Variants in SLC12A6 observed in about 807,000 individuals in gnomAD.
The protein encoded by SLC12A6 is solute carrier family 12 member 6, also known as K-Cl cotransporter 3.
In SLC12A6, 66 loss-of-function variants were observed where a neutral mutation model predicts 135.3. The observed-to-expected ratio is 0.49, with a 90% CI of 0.40 to 0.60. The LOEUF is 0.60. Ranked by LOEUF, SLC12A6 falls within the 20% of genes least tolerant of loss-of-function variation. The pLI is 0.00. For missense variants in SLC12A6, 1,058 were observed against 1,452.3 expected (o/e 0.73, Z 4.41); for synonymous variants, 513 against 508.8 (o/e 1.01, Z -0.11).
At chr15:34,235,361 C>T (rs1891181746) in intron 24 of SLC12A6, 47 bp from the exon 25 acceptor site, 1 of 1,556,180 alleles carries the variant, frequency 6.4e-7, no homozygotes, top group South Asian at 1.1e-5. Flanking sequence ...AGACAACTAG[C>T]CATAAAGTCA....
chr15:34,257,979 TC>T, intron 5 of SLC12A6, 191 bp from the exon 6 acceptor site: 1 of 578,996 alleles, frequency 1.7e-6, no homozygotes, highest in South Asian at 2.0e-5. Flanking sequence ...CTTTTATTAT[TC>T]CTAAAGCTAT....
In SLC12A6 at chr15:34,261,014, CCGT is replaced by C. The variant is rs758672590; in HGVS notation, c.320_322del (p.Asp107del). On this transcript the variant is annotated inframe_deletion, in exon 4 of 26. Transcript: ENST00000354181. ...ATAAGCATTTCGAGCTTTCTTATGT[CCGT>C]CGTCTGGAAAAAAAAAAGTAGACCA... 98 of 1,538,802 alleles carry C rather than the reference CCGT, an allele frequency of 6.4e-5. No homozygotes were observed. The highest frequency in any genetic ancestry group is 8.5e-5 in the Non-Finnish European group (95 of 1,111,782).
chr15:34,258,735 G>T, intron 5 of SLC12A6, 78 bp downstream of exon 5: 1 of 1,219,910 alleles, frequency 8.2e-7, no homozygotes, highest in Non-Finnish European at 1.2e-6. Context: ...GCTGAACACA[G>T]AATGGTGCCT....
At position 34,254,384 on chromosome 15, in the gene SLC12A6, C is replaced by T; in HGVS notation, c.1082G>A (p.Gly361Glu). ...VIVSILAIYA[G>E]AIKSSFAPPH... ...AGGAGCAAAAGAAGACTTGATGGCTCCAGCATAGATGGCCAAGATGGACAC... is the reference window on the plus strand; with the variant it reads ...AGGAGCAAAAGAAGACTTGATGGCTTCAGCATAGATGGCCAAGATGGACAC... The change falls in exon 9 of 26, where the codon GGA (glycine) becomes GAA (glutamate). Residue 361 changes from glycine to glutamate, a missense_variant. Physicochemically the swap from Gly to Glu is moderately conservative, Grantham distance 98. This residue lies in a region of SLC12A6 where 297 missense variants were observed against 318.5 expected (regional missense o/e 0.93). Coordinates refer to ENST00000354181, the MANE Select transcript of SLC12A6 (RefSeq NM_001365088.1). The T allele has an allele frequency of 6.2e-7, 1 of 1,613,860 alleles. No homozygotes were observed.
At chr15:34,334,389 C>T (rs1261985832) in intron 2 of SLC12A6, among the ~76,000 whole-genome samples, 1 of 152,154 alleles carries the variant, frequency 6.6e-6, no homozygotes, top group African/African-American at 2.4e-5. Context: ...TGTATATTAA[C>T]ATTAGGCCCT....
At chr15:34,320,820 A>G (rs578153490) in intron 2 of SLC12A6, among the ~76,000 whole-genome samples, 156 of 151,826 alleles carry the variant, frequency 1.0e-3, no homozygotes, top group Non-Finnish European at 1.6e-3. Context: ...GAGACAGGAG[A>G]ATGGCATGAA....
At chr15:34,261,577 C>T (rs565458401) in intron 3 of SLC12A6, among the ~76,000 whole-genome samples, 8 of 152,168 alleles carry the variant, frequency 5.3e-5, no homozygotes, top group East Asian at 1.9e-4. Context: ...GGATTACAGG[C>T]GTGAGCCACT....
In SLC12A6 at chr15:34,336,639, C is replaced by A. The variant is rs1890218436; in HGVS notation, c.42G>T (p.Arg14=). Reference sequence around the variant, plus strand: ...CGATCTTTGTCGGTGTCACCATGAACCGAACTGAAGCCATCTTGGTGGTGG... The same window carrying A: ...CGATCTTTGTCGGTGTCACCATGAAACGAACTGAAGCCATCTTGGTGGTGG... ...PETTTKMASV[R]FMVTPTKIDD... is the part of the protein sequence containing the mutation. The change falls in exon 2 of 26, where the codon CGG becomes CGT. Residue 14 remains arginine, a synonymous_variant. Transcript: ENST00000354181. 1 of 1,613,840 alleles carries A rather than the reference C, an allele frequency of 6.2e-7. No individual in the cohort carries two copies. Among genetic ancestry groups the A allele is most frequent in the African/African-American group, 1.3e-5 (1 of 74,894 alleles).
At chr15:34,306,108 G>A (rs547694276) in intron 2 of SLC12A6, among the ~76,000 whole-genome samples, 2 of 152,342 alleles carry the variant, frequency 1.3e-5, no homozygotes, top group African/African-American at 4.8e-5. Flanking sequence ...TTTATTCTAA[G>A]TGGTTTTTCT....
chr15:34,335,838 T>C (rs1890160468), intron 2 of SLC12A6, among the ~76,000 whole-genome samples: 2 of 152,326 alleles, frequency 1.3e-5, no homozygotes, highest in South Asian at 2.1e-4. Flanking sequence ...AAGTCTTCCA[T>C]TTGACAGAAT....
At chr15:34,256,789 G>A (rs926978174) in intron 6 of SLC12A6, among the ~76,000 whole-genome samples, 2 of 152,164 alleles carry the variant, frequency 1.3e-5, no homozygotes, top group Admixed American at 6.5e-5. Flanking sequence ...TTGGTTAGCA[G>A]GCTACCATAG....
chr15:34,275,889 A>G lies in SLC12A6; in HGVS notation c.272-500T>C, dbSNP rs113818228. The stretch of plus-strand genomic sequence containing the variant: ...AAATATTATATGACTCAATTTATAT[A>G]AAATGTTGAGAAAGGGCAAATTTAT... On this transcript the variant is annotated intron_variant, in intron 2 of 25. Coordinates refer to ENST00000354181, the MANE Select transcript of SLC12A6 (RefSeq NM_001365088.1). Among the ~76,000 whole-genome samples, 247 of 152,326 alleles carry G rather than the reference A, an allele frequency of 1.6e-3. 3 individuals carry two copies. The highest frequency in any genetic ancestry group is 5.7e-3 in the African/African-American group (237 of 41,580).
At chr15:34,323,127 T>C (rs1453070423) in intron 2 of SLC12A6, among the ~76,000 whole-genome samples, 1 of 151,986 alleles carries the variant, frequency 6.6e-6, no homozygotes, top group Non-Finnish European at 1.5e-5. Flanking sequence ...AAACATATAC[T>C]TGACAAAGGA....
In SLC12A6 at chr15:34,235,161, C is replaced by A. The variant is rs756781352; in HGVS notation, c.3361+20G>T. The A allele has an allele frequency of 1.9e-6, 3 of 1,611,734 alleles. No homozygotes were observed. The highest frequency in any genetic ancestry group is 2.5e-6 in the Non-Finnish European group (3 of 1,177,874). ...TAAGGAGATTTTCCCTACTGGAAGC[C>A]CCACTCTTGGAAAGGATACAGTTTT... is the stretch of plus-strand genomic sequence containing the variant. On this transcript the variant is annotated intron_variant, in intron 25 of 25. Coordinates refer to ENST00000354181, the MANE Select transcript of SLC12A6 (RefSeq NM_001365088.1).
rs1278373131 is a variant in SLC12A6, at chr15:34,279,892, T to C, written c.272-4503A>G. Among the ~76,000 whole-genome samples, 4 of 152,336 alleles carry C rather than the reference T, an allele frequency of 2.6e-5. No individual in the cohort carries two copies. In the East Asian group the frequency reaches 7.7e-4, roughly 29 times the overall value. ...TAATCAGAAAGATGAACTGAAAATA[T>C]TTCCTTGTAACACTAATGATATGGT... On this transcript the variant is annotated intron_variant, in intron 2 of 25. Coordinates refer to ENST00000354181, the MANE Select transcript of SLC12A6 (RefSeq NM_001365088.1).
At chr15:34,304,154 C>T (rs188636420) in intron 2 of SLC12A6, among the ~76,000 whole-genome samples, 2 of 152,252 alleles carry the variant, frequency 1.3e-5, no homozygotes, top group South Asian at 2.1e-4. Context: ...ACATTTCCTA[C>T]GAATGGAATC....
At chr15:34,243,859 T>C (rs1891810890) in intron 16 of SLC12A6, 115 bp downstream of exon 16, 1 of 752,612 alleles carries the variant, frequency 1.3e-6, no homozygotes, top group Non-Finnish European at 2.4e-6. Flanking sequence ...TGAAACAGTA[T>C]GAAATGGCTG....
intron 1 of SLC12A6, chr15:34,337,008 A>G: frequency 2.6e-6 from 1 of 381,602 alleles, no homozygotes; most frequent in Non-Finnish European, 4.9e-6. Context: ...CCGGGGCTGA[A>G]GGCTCAGTGC....
chr15:34,283,023 T>C (rs888109697), intron 2 of SLC12A6, among the ~76,000 whole-genome samples: 2 of 152,208 alleles, frequency 1.3e-5, no homozygotes, highest in African/African-American at 4.8e-5. Context: ...CCTTTTGTCA[T>C]GCAGATATGG....
Sources: gnomAD v4.1 joint callset for allele counts (sites outside exome capture counted in the v4.1 genomes callset) on GRCh38, gnomAD v4.1.1 for gene constraint, gnomAD v4.1.1 regional missense constraint, MANE v1.5 for transcripts, NCBI Gene and HGNC (gene_info 2026-07-23, HGNC 2026-07-21) for gene names.